The following GRM8 variants were observed in gnomAD, a reference collection of about 807,000 sequenced individuals.
GRM8 encodes the protein glutamate metabotropic receptor 8.
A neutral mutation model predicts 87.2 loss-of-function variants in GRM8; 47 were observed. The observed-to-expected ratio is 0.54, with a 90% CI of 0.43 to 0.69. The LOEUF (loss-of-function observed/expected upper bound fraction) is 0.69. Ranked by LOEUF, GRM8 falls within the 30% of genes least tolerant of loss-of-function variation. The pLI is 0.00. For missense variants in GRM8, 1,019 were observed against 1,139.2 expected, an observed-to-expected ratio of 0.89 and a Z score of 1.52; for synonymous variants, 396 against 404.5, an observed-to-expected ratio of 0.98 and a Z score of 0.25.
At chr7:126,954,074 T>C (rs1808441181) in intron 3 of GRM8, among the ~76,000 whole-genome samples, 2 of 152,142 alleles carry the variant, frequency 1.3e-5, no homozygotes, top group African/African-American at 2.4e-5. Flanking sequence ...CCAGGAACTT[T>C]TCCTTGTTGC....
intron 7 of GRM8, among the ~76,000 whole-genome samples, chr7:126,722,691 C>A (rs760064374): frequency 6.6e-6 from 1 of 151,898 alleles, no homozygotes; most frequent in Non-Finnish European, 1.5e-5. Flanking sequence ...ATAACATGTT[C>A]TCCCTTCTCA....
intron 6 of GRM8, among the ~76,000 whole-genome samples, chr7:126,777,227 A>G (rs906876266): frequency 1.3e-5 from 2 of 152,194 alleles, no homozygotes; most frequent in Non-Finnish European, 2.9e-5. Context: ...AAATAAGGTC[A>G]GAGAAGTGAA....
At chr7:126,824,372 A>G (rs777675334) in intron 6 of GRM8, among the ~76,000 whole-genome samples, 1 of 152,238 alleles carries the variant, frequency 6.6e-6, no homozygotes, top group Non-Finnish European at 1.5e-5. Context: ...GTCAATGGCA[A>G]ATAAGAAACC....
intron 6 of GRM8, among the ~76,000 whole-genome samples, chr7:126,863,330 T>G (rs969705648): frequency 2.6e-5 from 4 of 152,290 alleles, no homozygotes; most frequent in Non-Finnish European, 5.9e-5. Flanking sequence ...CTTCTTCTTT[T>G]GCAGTCATCT....
intron 7 of GRM8, among the ~76,000 whole-genome samples, chr7:126,671,640 T>C (rs990028644): frequency 3.9e-5 from 6 of 152,278 alleles, no homozygotes; most frequent in African/African-American, 1.4e-4. Context: ...GAGGGATGGG[T>C]AATGTAGAAA....
At chr7:126,994,566 C>T (rs1463491414) in intron 3 of GRM8, among the ~76,000 whole-genome samples, 3 of 152,120 alleles carry the variant, frequency 2.0e-5, no homozygotes, top group African/African-American at 7.2e-5. Flanking sequence ...GACTGAAGAG[C>T]CCCTGGGCCT....
intron 6 of GRM8, among the ~76,000 whole-genome samples, chr7:126,831,622 G>T (rs1795385445): frequency 1.3e-5 from 2 of 152,320 alleles, no homozygotes; most frequent in South Asian, 4.1e-4. Context: ...CCTTGACCAG[G>T]AAAGGGAAGT....
At chr7:126,927,400 G>T (rs1360748213) in intron 3 of GRM8, among the ~76,000 whole-genome samples, 1 of 152,092 alleles carries the variant, frequency 6.6e-6, no homozygotes, top group African/African-American at 2.4e-5. Flanking sequence ...GCCTCCAAAA[G>T]TGGTGGGATT....
intron 1 of GRM8, 21 bp from the exon 2 acceptor site, chr7:127,243,536 G>C (rs1279401731): frequency 3.5e-6 from 1 of 288,282 alleles, no homozygotes; most frequent in East Asian, 7.4e-5. Flanking sequence ...GGGAAAAAAG[G>C]GGGTTCAGTT....
chr7:126,815,688 C>T (rs1044961161), intron 6 of GRM8, among the ~76,000 whole-genome samples: 2 of 152,134 alleles, frequency 1.3e-5, no homozygotes, highest in Non-Finnish European at 2.9e-5. Flanking sequence ...AAATTTTTCT[C>T]ACAGCCTGAA....
chr7:126,924,350 G>A (rs1489450178), intron 3 of GRM8, among the ~76,000 whole-genome samples: 1 of 152,148 alleles, frequency 6.6e-6, no homozygotes, highest in South Asian at 2.1e-4. Context: ...GCATAAACTT[G>A]GGAACAATCA....
intron 7 of GRM8, among the ~76,000 whole-genome samples, chr7:126,666,943 A>G (rs1805836181): frequency 1.3e-5 from 2 of 152,300 alleles, no homozygotes; most frequent in South Asian, 4.1e-4. Flanking sequence ...ATATTACATA[A>G]TATCACCAGT....
intron 2 of GRM8, among the ~76,000 whole-genome samples, chr7:127,149,413 A>T (rs531099213): frequency 1.7e-4 from 26 of 152,230 alleles, no homozygotes; most frequent in Non-Finnish European, 3.4e-4. Flanking sequence ...GTCAGAAGAC[A>T]ACCAATGTGG....
intron 9 of GRM8, among the ~76,000 whole-genome samples, chr7:126,463,834 A>C (rs1804179418): frequency 6.6e-6 from 1 of 151,562 alleles, no homozygotes; most frequent in Non-Finnish European, 1.5e-5. Flanking sequence ...CCTGTAACCA[A>C]CTTCTTTGTC....
rs2299471 is a variant in GRM8 at position 126,579,980 on chromosome 7, G to T, written c.1494+29382C>A. Reference sequence around the variant, plus strand: ...TCAGGATATTTGGTAAAAAGAAAACGTGCTTATCCCATATGAAAAAAAAAA... The same window carrying T: ...TCAGGATATTTGGTAAAAAGAAAACTTGCTTATCCCATATGAAAAAAAAAA... On this transcript the variant is annotated intron_variant, in intron 8 of 10. Coordinates refer to ENST00000339582, the MANE Select transcript of GRM8 (RefSeq NM_000845.3). Among the ~76,000 whole-genome samples the T allele has an allele frequency of 8.6e-5, 13 of 151,236 alleles. No individual in the cohort carries two copies. The East Asian group carries it at 2.5e-3, about 29-fold the overall frequency.
chr7:127,119,439 T>C (rs148352381), intron 2 of GRM8, among the ~76,000 whole-genome samples: 309 of 152,048 alleles, frequency 2.0e-3, no homozygotes, highest in African/African-American at 6.9e-3. Context: ...TGAGCCAAGA[T>C]TGTGCCATTG....
intron 6 of GRM8, among the ~76,000 whole-genome samples, chr7:126,844,758 T>C (rs889062146): frequency 2.0e-5 from 3 of 152,204 alleles, no homozygotes; most frequent in African/African-American, 7.2e-5. Context: ...GCATTTCCTC[T>C]GCACATGCAT....
chr7:126,758,156 T>G (rs1337560323), intron 7 of GRM8, among the ~76,000 whole-genome samples: 8 of 152,156 alleles, frequency 5.3e-5, no homozygotes, highest in African/African-American at 1.9e-4. Context: ...TGAGTTTTTA[T>G]GTGTGTATGC....
chr7:127,076,582 A>C (rs1182340340), intron 3 of GRM8, among the ~76,000 whole-genome samples: 1 of 152,090 alleles, frequency 6.6e-6, no homozygotes, highest in Non-Finnish European at 1.5e-5. Context: ...TTATTCCTTA[A>C]GTTTCCTCCA....
Sources: gnomAD v4.1 joint callset for allele counts (sites outside exome capture counted in the v4.1 genomes callset) on GRCh38, gnomAD v4.1.1 for gene constraint, MANE v1.5 for transcripts, NCBI Gene and HGNC (gene_info 2026-07-23, HGNC 2026-07-21) for gene names.